RANBP2: variants seen among roughly 807,000 people sequenced by gnomAD.
RANBP2 encodes the protein RAN binding protein 2.
In RANBP2, 57 loss-of-function variants were observed where a neutral mutation model predicts 303.6. The observed-to-expected ratio is 0.19, with a 90% CI of 0.15 to 0.23. The LOEUF (loss-of-function observed/expected upper bound fraction) is 0.23. RANBP2 is among the 10% of genes least tolerant of loss of function. RANBP2 has a pLI of 1.00. For missense variants in RANBP2, 3,138 were observed against 3,780.8 expected (o/e 0.83, Z 4.46); for synonymous variants, 1,167 against 1,301.5 (o/e 0.90, Z 2.23).
At chr2:109,289,843 C>A in the RANBP2 span, among the ~76,000 whole-genome samples, 2 of 152,082 alleles carry the variant, frequency 1.3e-5, no homozygotes, top group African/African-American at 4.8e-5. Context: ...TTTCTCAGAT[C>A]TTGGTTTCCT....
intron 24 of RANBP2, 32 bp downstream of exon 24, chr2:108,775,968 C>T: frequency 6.5e-7 from 1 of 1,542,412 alleles, no homozygotes; most frequent in Non-Finnish European, 8.8e-7. Flanking sequence ...TCATGTGTTA[C>T]ATAAGGGACA....
the RANBP2 span, among the ~76,000 whole-genome samples, chr2:109,374,285 G>A: frequency 6.6e-6 from 1 of 152,244 alleles, no homozygotes; most frequent in Non-Finnish European, 1.5e-5. Flanking sequence ...TGCCCATGCA[G>A]TACTGGGCTC....
the RANBP2 span, among the ~76,000 whole-genome samples, chr2:109,243,740 G>A: frequency 2.6e-5 from 4 of 152,230 alleles, no homozygotes; most frequent in Non-Finnish European, 5.9e-5. Context: ...TGTTTTCAGA[G>A]AACCTCGGGG....
At chr2:109,193,844 G>A in the RANBP2 span, among the ~76,000 whole-genome samples, 4 of 152,144 alleles carry the variant, frequency 2.6e-5, no homozygotes, top group African/African-American at 7.2e-5. Flanking sequence ...TTTAAGTCTC[G>A]TCTAGCCCCG....
intron 6 of RANBP2, among the ~76,000 whole-genome samples, chr2:108,738,291 G>C (rs528702201): frequency 6.6e-6 from 1 of 151,424 alleles, no homozygotes; most frequent in Middle Eastern, 3.2e-3. Context: ...TAGCCAGGAT[G>C]GTCTTGATCT....
At chr2:109,613,886 C>CCGGCGA in the RANBP2 span, 20 of 1,229,666 alleles carry the variant, frequency 1.6e-5, no homozygotes, top group South Asian at 4.0e-4. Context: ...GCGGCTGGTC[C>CCGGCGA]CGGCGACGGC....
the RANBP2 span, among the ~76,000 whole-genome samples, chr2:109,326,563 TTGTG>T: frequency 1.3e-5 from 2 of 152,210 alleles, no homozygotes; most frequent in African/African-American, 4.8e-5. Flanking sequence ...TGGCATCTCA[TTGTG>T]GTTTAATTTG....
the RANBP2 span, among the ~76,000 whole-genome samples, chr2:109,020,330 T>C: frequency 6.6e-6 from 1 of 152,138 alleles, no homozygotes; most frequent in African/African-American, 2.4e-5. Flanking sequence ...ATGATAACCC[T>C]TCTCCCCGGT....
the RANBP2 span, among the ~76,000 whole-genome samples, chr2:109,651,920 T>A: frequency 1.3e-5 from 2 of 152,162 alleles, no homozygotes; most frequent in African/African-American, 4.8e-5. Context: ...AGCAATGAGA[T>A]GAAGGTTGCA....
the RANBP2 span, among the ~76,000 whole-genome samples, chr2:108,863,942 A>G: frequency 6.6e-6 from 1 of 152,200 alleles, no homozygotes; most frequent in African/African-American, 2.4e-5. Context: ...AGCTCTATTA[A>G]AAGTTACATA....
the RANBP2 span, among the ~76,000 whole-genome samples, chr2:109,626,951 G>A: frequency 1.4e-4 from 21 of 152,306 alleles, no homozygotes; most frequent in African/African-American, 5.1e-4. Flanking sequence ...GCTGGGTGGT[G>A]TGTGCTCAGA....
the RANBP2 span, among the ~76,000 whole-genome samples, chr2:109,582,052 A>G: frequency 6.7e-6 from 1 of 150,306 alleles, no homozygotes; most frequent in Non-Finnish European, 1.5e-5. Flanking sequence ...AGCCGTATCA[A>G]GAACACAATG....
At chr2:109,589,321 C>A in the RANBP2 span, among the ~76,000 whole-genome samples, 1 of 151,932 alleles carries the variant, frequency 6.6e-6, no homozygotes, top group Non-Finnish European at 1.5e-5. Context: ...TTACTTGAGG[C>A]CAGGAGTTTG....
At chr2:109,431,630 G>A in the RANBP2 span, among the ~76,000 whole-genome samples, 2 of 152,168 alleles carry the variant, frequency 1.3e-5, no homozygotes, top group African/African-American at 4.8e-5. Flanking sequence ...CCAGCACTTT[G>A]GGAGGCTGAA....
the RANBP2 span, among the ~76,000 whole-genome samples, chr2:109,372,864 C>T: frequency 6.6e-6 from 1 of 152,218 alleles, no homozygotes; most frequent in East Asian, 1.9e-4. Context: ...CTTTGCCACA[C>T]CTACCACACA....
the RANBP2 span, among the ~76,000 whole-genome samples, chr2:109,446,864 G>A: frequency 6.6e-6 from 1 of 152,156 alleles, no homozygotes; most frequent in Non-Finnish European, 1.5e-5. Context: ...CAGGGGCACA[G>A]ACCCTGGTGC....
the RANBP2 span, among the ~76,000 whole-genome samples, chr2:108,822,699 A>G: frequency 5.0e-3 from 762 of 152,346 alleles, 4 homozygotes; most frequent in South Asian, 0.021. Flanking sequence ...TACAGCAACC[A>G]TTGGGTCAAA....
At chr2:109,199,335 G>T in the RANBP2 span, among the ~76,000 whole-genome samples, 1 of 714 alleles carries the variant, frequency 1.4e-3, no homozygotes, top group East Asian at 0.019. Context: ...AAGTAAAATG[G>T]AATGGAATGG....
chr2:109,401,135 G>T, the RANBP2 span, among the ~76,000 whole-genome samples: 2 of 152,354 alleles, frequency 1.3e-5, no homozygotes, highest in South Asian at 4.1e-4. Context: ...CGGGCAGGTT[G>T]TCATGGTGGT....
Sources: gnomAD v4.1 joint callset for allele counts (sites outside exome capture counted in the v4.1 genomes callset) on GRCh38, gnomAD v4.1.1 for gene constraint, MANE v1.5 for transcripts, NCBI Gene and HGNC (gene_info 2026-07-23, HGNC 2026-07-21) for gene names.